Variants in AGBL1 observed in about 807,000 individuals in gnomAD.
The protein encoded by AGBL1 is AGBL carboxypeptidase 1.
In AGBL1, 130 loss-of-function variants were observed where a neutral mutation model predicts 118.9. The ratio of observed to expected loss-of-function variants is 1.09; its 90% CI spans 0.95 to 1.26. AGBL1 has a LOEUF of 1.26. Ranked by LOEUF, AGBL1 falls within the 50% of genes most tolerant of loss-of-function variation. The probability of loss-of-function intolerance (pLI) is 0.00; values close to 1 mark genes in which losing one functional copy is unlikely to be tolerated. For missense variants in AGBL1, 1,584 were observed against 1,298.1 expected (o/e 1.22, Z -3.38); for synonymous variants, 555 against 478.9 (o/e 1.16, Z -2.08).
chr15:86,408,846 G>T (rs1214942634), intron 18 of AGBL1, among the ~76,000 whole-genome samples: 1 of 152,018 alleles, frequency 6.6e-6, no homozygotes, highest in Non-Finnish European at 1.5e-5. Flanking sequence ...TTCAGAAGGG[G>T]TCTGAGGAAC....
intron 22 of AGBL1, among the ~76,000 whole-genome samples, chr15:86,784,015 C>G (rs2078372087): frequency 6.6e-6 from 1 of 152,164 alleles, no homozygotes; most frequent in South Asian, 2.1e-4. Context: ...ATTTTGAGGT[C>G]AGAGTGACGT....
At chr15:86,728,150 A>T (rs1012358351) in intron 22 of AGBL1, among the ~76,000 whole-genome samples, 1 of 152,204 alleles carries the variant, frequency 6.6e-6, no homozygotes, top group Non-Finnish European at 1.5e-5. Context: ...TGAACTGGAA[A>T]GGATGTACCT....
intron 22 of AGBL1, among the ~76,000 whole-genome samples, chr15:86,756,524 G>C (rs1438054579): frequency 2.0e-5 from 3 of 150,702 alleles, no homozygotes; most frequent in Non-Finnish European, 4.4e-5. Flanking sequence ...GGGCAGAGTT[G>C]CCTGGGCAGG....
intron 21 of AGBL1, among the ~76,000 whole-genome samples, chr15:86,599,673 C>T (rs1466768241): frequency 6.6e-6 from 1 of 151,994 alleles, no homozygotes; most frequent in Non-Finnish European, 1.5e-5. Flanking sequence ...GCTATCAATT[C>T]CTATCCTTGC....
At chr15:86,586,630 G>A (rs546487131) in intron 21 of AGBL1, among the ~76,000 whole-genome samples, 51 of 152,158 alleles carry the variant, frequency 3.4e-4, no homozygotes, top group Admixed American at 6.6e-4. Context: ...ACCTAAAGCA[G>A]TCGGGTTACA....
chr15:86,865,062 C>G (rs2079606778), intron 22 of AGBL1, among the ~76,000 whole-genome samples: 1 of 152,130 alleles, frequency 6.6e-6, no homozygotes, highest in Non-Finnish European at 1.5e-5. Context: ...GCTGTAGAAT[C>G]CCTGGTACCC....
intron 17 of AGBL1, among the ~76,000 whole-genome samples, chr15:86,372,133 A>C (rs2080980273): frequency 6.6e-6 from 1 of 152,236 alleles, no homozygotes; most frequent in African/African-American, 2.4e-5. Flanking sequence ...CCTTGCCTTC[A>C]TCAGCATGCC....
intron 21 of AGBL1, among the ~76,000 whole-genome samples, chr15:86,619,865 T>A (rs2084780190): frequency 1.3e-5 from 2 of 152,174 alleles, no homozygotes; most frequent in Admixed American, 6.5e-5. Flanking sequence ...GGAACTGAAA[T>A]GTACATGCAC....
chr15:86,342,681 T>A (rs2141884674), intron 17 of AGBL1, among the ~76,000 whole-genome samples: 1 of 152,284 alleles, frequency 6.6e-6, no homozygotes, highest in Admixed American at 6.5e-5. Context: ...CCATACTAAC[T>A]GTGTCGCTGT....
intron 7 of AGBL1, among the ~76,000 whole-genome samples, chr15:86,251,423 A>G (rs1483137347): frequency 3.3e-5 from 5 of 152,118 alleles, no homozygotes; most frequent in Non-Finnish European, 5.9e-5. Context: ...TTTCCTGACA[A>G]CTTCCTAAAT....
At chr15:86,972,485 A>G (rs995037049) in intron 23 of AGBL1, among the ~76,000 whole-genome samples, 2 of 152,056 alleles carry the variant, frequency 1.3e-5, no homozygotes, top group African/African-American at 4.8e-5. Context: ...TTTTTTATTT[A>G]CTGAAATTAT....
chr15:86,961,729 C>T (rs2080995021), intron 23 of AGBL1, among the ~76,000 whole-genome samples: 1 of 152,052 alleles, frequency 6.6e-6, no homozygotes, highest in Non-Finnish European at 1.5e-5. Flanking sequence ...TTCTCATAGA[C>T]AGGAATGAAT....
At chr15:86,789,456 A>T (rs1022968203) in intron 22 of AGBL1, among the ~76,000 whole-genome samples, 4 of 152,198 alleles carry the variant, frequency 2.6e-5, no homozygotes, top group African/African-American at 9.6e-5. Flanking sequence ...TGGAAATTTC[A>T]TGTGAGTTTA....
At chr15:87,030,807 A>G (rs1370792137), downstream of AGBL1, among the ~76,000 whole-genome samples, 1 of 151,782 alleles carries the variant, frequency 6.6e-6, no homozygotes, top group Non-Finnish European at 1.5e-5. Flanking sequence ...CACTCGGTCT[A>G]TTTTTCCCAA....
chr15:86,524,899 A>G (rs2083242318), intron 19 of AGBL1, among the ~76,000 whole-genome samples: 1 of 152,238 alleles, frequency 6.6e-6, no homozygotes, highest in Non-Finnish European at 1.5e-5. Context: ...AGTCCTAGCC[A>G]GAGCAATCAG....
intron 16 of AGBL1, among the ~76,000 whole-genome samples, chr15:86,284,350 C>G (rs2079407500): frequency 1.3e-5 from 2 of 151,776 alleles, no homozygotes. Context: ...AATATTAAAC[C>G]ATCCTTTCTT....
chr15:86,656,721 T>C (rs1167332791), intron 21 of AGBL1, among the ~76,000 whole-genome samples: 2 of 152,186 alleles, frequency 1.3e-5, no homozygotes, highest in African/African-American at 4.8e-5. Flanking sequence ...TGTGACCTTC[T>C]TCCTTTACAC....
chr15:86,349,286 G>A (rs1340256253), intron 17 of AGBL1, among the ~76,000 whole-genome samples: 8 of 152,200 alleles, frequency 5.3e-5, no homozygotes, highest in East Asian at 1.9e-4. Flanking sequence ...AAATTAATAC[G>A]CTGGGAATGG....
chr15:86,749,308 G>A (rs1301806352), intron 22 of AGBL1, among the ~76,000 whole-genome samples: 2 of 152,100 alleles, frequency 1.3e-5, no homozygotes, highest in Non-Finnish European at 2.9e-5. Flanking sequence ...TTTGCTCTCT[G>A]TTTGTCTATT....
Sources: allele counts gnomAD v4.1 joint callset (sites outside exome capture counted in the v4.1 genomes callset), GRCh38; gene constraint gnomAD v4.1.1; transcripts MANE v1.5; gene names NCBI Gene and HGNC (gene_info 2026-07-23, HGNC 2026-07-21).